The following SYNE1 variants were observed in gnomAD, a reference collection of about 807,000 sequenced individuals.
SYNE1 encodes spectrin repeat containing nuclear envelope protein 1.
A neutral mutation model predicts 1,111.0 loss-of-function variants in SYNE1; 616 were observed. That is an observed-to-expected ratio of 0.55 (90% CI 0.52 to 0.59). The LOEUF is 0.59. SYNE1 is among the 20% of genes least tolerant of loss of function. The pLI, the probability that SYNE1 is intolerant of heterozygous loss-of-function variation, is 0.00. For synonymous variants in SYNE1, 3,855 were observed against 3,825.8 expected (o/e 1.01, Z -0.28); for missense variants, 10,006 against 10,417.0 (o/e 0.96, Z 1.72).
In SYNE1 at chr6:152,150,265, G is replaced by A. The variant is rs527934149; in HGVS notation, c.24451-597C>T. Among the ~76,000 whole-genome samples the A allele has an allele frequency of 6.4e-4, 98 of 152,360 alleles. 1 individual carries two copies. The highest frequency in any genetic ancestry group is 1.2e-3 in the Non-Finnish European group (81 of 68,034). On this transcript the variant is annotated intron_variant, in intron 135 of 145. Coordinates refer to ENST00000367255, the MANE Select transcript of SYNE1 (RefSeq NM_182961.4). ...GCAAAAGATTTAAATCACTGGGTAT[G>A]TTTCAGTGTTCACTTTTAATTCAAT...
chr6:152,301,932 T>G lies in SYNE1; in HGVS notation c.17478A>C (p.Glu5826Asp), dbSNP rs1562905280. The G allele has an allele frequency of 6.2e-7, 1 of 1,614,194 alleles. No homozygotes were observed. Among genetic ancestry groups the G allele is most frequent in the Non-Finnish European group, 8.5e-7 (1 of 1,180,040 alleles). The part of the protein sequence containing the change: ...LTVTEVEGLA[E>D]GTEDLDGELL... ...GCTCCCCATCCAGGTCCTCTGTCCC[T>G]TCCGCCAGCCCCTCGACCTCGGTCA... Residue 5826 changes from glutamate (E) to aspartate (D), a missense_variant, in exon 92 of 146, where the codon GAA becomes GAC. Coordinates refer to ENST00000367255, the MANE Select transcript of SYNE1 (RefSeq NM_182961.4).
Position 152,425,505 on chromosome 6 carries a change from T to G in SYNE1, c.5143A>C (p.Lys1715Gln). The G allele has an allele frequency of 6.2e-7, 1 of 1,614,200 alleles. No individual in the cohort carries two copies. The highest frequency in any genetic ancestry group is 8.5e-7 in the Non-Finnish European group (1 of 1,180,038). The change falls in exon 39 of 146, where the codon AAA becomes CAA. Residue 1715 changes from lysine (K) to glutamine (Q), a missense_variant. Lys to Gln is a moderately conservative substitution (Grantham distance 53). Coordinates refer to ENST00000367255, the MANE Select transcript of SYNE1 (RefSeq NM_182961.4). ...AATGATTCCTTCAATTGCAAAAGTT[T>G]GCTATAGAATGAGGCCTGGGATACA... ...EVVSQASFYSKLLQLKESLFS... is the reference protein window; with the variant it reads ...EVVSQASFYSQLLQLKESLFS...
At chr6:152,258,784 G>A (rs868561704) in intron 101 of SYNE1, among the ~76,000 whole-genome samples, 9 of 145,826 alleles carry the variant, frequency 6.2e-5, no homozygotes, top group African/African-American at 1.0e-4. Context: ...TTGCTCCATC[G>A]CCCAGGCTGG....
chr6:152,496,968 C>T (rs2099002872), intron 11 of SYNE1, among the ~76,000 whole-genome samples: 1 of 152,082 alleles, frequency 6.6e-6, no homozygotes, highest in African/African-American at 2.4e-5. Flanking sequence ...CACCTTGTAA[C>T]ACCTGCCCCT....
chr6:152,240,719 A>G (rs772108161), intron 107 of SYNE1, among the ~76,000 whole-genome samples: 48 of 152,310 alleles, frequency 3.2e-4, no homozygotes, highest in Middle Eastern at 6.8e-3. Flanking sequence ...TCTATGAGAT[A>G]GGCAGTTTTG....
intron 138 of SYNE1, 51 bp downstream of exon 138, chr6:152,143,569 GACA>G: frequency 6.2e-7 from 1 of 1,613,064 alleles, no homozygotes; most frequent in Non-Finnish European, 8.5e-7. Context: ...ACTGTTCTTT[GACA>G]CAGAACTGTG....
At chr6:152,230,914 A>C (rs2082619438) in intron 114 of SYNE1, among the ~76,000 whole-genome samples, 1 of 152,160 alleles carries the variant, frequency 6.6e-6, no homozygotes, top group Non-Finnish European at 1.5e-5. Context: ...CACATAAAAT[A>C]AACGAACACT....
chr6:152,499,018 A>C (rs988867273), intron 10 of SYNE1, among the ~76,000 whole-genome samples: 1 of 152,160 alleles, frequency 6.6e-6, no homozygotes, highest in African/African-American at 2.4e-5. Flanking sequence ...TTTTAACTTG[A>C]AATAGTCATA....
intron 3 of SYNE1, among the ~76,000 whole-genome samples, chr6:152,571,168 G>T (rs1393945878): frequency 6.6e-6 from 1 of 152,142 alleles, no homozygotes; most frequent in African/African-American, 2.4e-5. Flanking sequence ...CTTACAATGT[G>T]TTCCATTCTG....
At chr6:152,571,432 G>A (rs1187210813) in intron 3 of SYNE1, among the ~76,000 whole-genome samples, 1 of 152,174 alleles carries the variant, frequency 6.6e-6, no homozygotes, top group African/African-American at 2.4e-5. Flanking sequence ...AAGGAATGGA[G>A]AATACATGTA....
At chr6:152,384,619 T>C (rs35699679) in intron 55 of SYNE1, among the ~76,000 whole-genome samples, 1 of 152,326 alleles carries the variant, frequency 6.6e-6, no homozygotes, top group Non-Finnish European at 1.5e-5. Flanking sequence ...CTCATGCCTG[T>C]AATTCCAGCA....
chr6:152,376,725 G>C (rs55923011), intron 57 of SYNE1, 51 bp downstream of exon 57: 2 of 1,608,858 alleles, frequency 1.2e-6, no homozygotes, highest in Admixed American at 1.7e-5. Flanking sequence ...TAAACTTCTA[G>C]CTTCTAATTT....
intron 62 of SYNE1, 132 bp downstream of exon 62, chr6:152,367,086 G>T: frequency 1.8e-6 from 2 of 1,122,000 alleles, no homozygotes; most frequent in Non-Finnish European, 2.7e-6. Context: ...GGCAGACAGC[G>T]TTGCACTCAC....
chr6:152,166,744 T>G (rs1349509348), intron 130 of SYNE1, among the ~76,000 whole-genome samples: 1 of 152,214 alleles, frequency 6.6e-6, no homozygotes, highest in Non-Finnish European at 1.5e-5. Flanking sequence ...TTTAAGCAGT[T>G]CTTTTTCATT....
In SYNE1 at chr6:152,347,306, A is replaced by G. The variant is rs984083720; in HGVS notation, c.11902-71T>C. ...AGTAACTTATCCATCAAAGTTTAAG[A>G]TAGATTATTTCACTGTTTAATATTG... On this transcript the variant is annotated intron_variant, in intron 72 of 145. Transcript: ENST00000367255. 42 of 1,541,354 alleles carry G rather than the reference A, an allele frequency of 2.7e-5. No homozygotes were observed. In the African/African-American group the frequency reaches 4.9e-4, roughly 18 times the overall value.
At chr6:152,333,595 T>C (rs2096301568) in intron 77 of SYNE1, among the ~76,000 whole-genome samples, 1 of 152,150 alleles carries the variant, frequency 6.6e-6, no homozygotes, top group South Asian at 2.1e-4. Flanking sequence ...TACTTACCAA[T>C]ATTAATAATA....
At chr6:152,603,906 A>ATAT (rs1211364198) in intron 3 of SYNE1, among the ~76,000 whole-genome samples, 3 of 146,994 alleles carry the variant, frequency 2.0e-5, no homozygotes, top group Non-Finnish European at 4.5e-5. Flanking sequence ...AGATAGATAT[A>ATAT]CTATCTATAT....
chr6:152,205,661 T>C (rs1408642428), intron 126 of SYNE1, among the ~76,000 whole-genome samples: 1 of 152,232 alleles, frequency 6.6e-6, no homozygotes, highest in Admixed American at 6.5e-5. Flanking sequence ...GTGTGATCAG[T>C]ATGTGATCTG....
intron 3 of SYNE1, among the ~76,000 whole-genome samples, chr6:152,575,027 A>G (rs1056015130): frequency 6.6e-6 from 1 of 152,230 alleles, no homozygotes; most frequent in African/African-American, 2.4e-5. Context: ...AATAAATGTG[A>G]ATGAATGTAC....
Sources: allele counts gnomAD v4.1 joint callset (sites outside exome capture counted in the v4.1 genomes callset), GRCh38; gene constraint gnomAD v4.1.1; transcripts MANE v1.5; gene names NCBI Gene and HGNC (gene_info 2026-07-23, HGNC 2026-07-21).